The following RNF217 variants were observed in gnomAD, a reference collection of about 807,000 sequenced individuals.
RNF217 encodes the protein ring finger protein 217.
In RNF217, 31 loss-of-function variants were observed where a neutral mutation model predicts 57.8. The ratio of observed to expected loss-of-function variants is 0.54; its 90% CI spans 0.40 to 0.72. The LOEUF (loss-of-function observed/expected upper bound fraction) is 0.72, where lower values mean the gene tolerates loss of function less well. Ranked by LOEUF, RNF217 falls within the 30% of genes least tolerant of loss-of-function variation. The pLI, the probability that RNF217 is intolerant of heterozygous loss-of-function variation, is 0.00. For missense variants in RNF217, 696 were observed against 708.3 expected (o/e 0.98, Z 0.20); for synonymous variants, 313 against 294.0 (o/e 1.06, Z -0.66).
intron 1 of RNF217, among the ~76,000 whole-genome samples, chr6:124,985,696 A>G (rs1784343540): frequency 6.6e-6 from 1 of 152,178 alleles, no homozygotes; most frequent in African/African-American, 2.4e-5. Context: ...GTTCAGAGAA[A>G]TGTGTATAGT....
intron 3 of RNF217, among the ~76,000 whole-genome samples, chr6:125,060,405 G>T (rs1787685258): frequency 6.6e-6 from 1 of 151,522 alleles, no homozygotes; most frequent in African/African-American, 2.4e-5. Context: ...CCTACTATAG[G>T]TATATGTTTT....
chr6:125,062,032 T>C (rs138609048), intron 3 of RNF217, among the ~76,000 whole-genome samples: 3 of 152,086 alleles, frequency 2.0e-5, no homozygotes, highest in African/African-American at 4.8e-5. Context: ...AATTATATCT[T>C]AAATTACAAT....
rs574951671 is a variant in RNF217 at position 125,091,626 on chromosome 6, A to G, written c.*8689A>G. The G allele has an allele frequency of 1.6e-4, 24 of 151,134 alleles. No homozygotes were observed. The South Asian group carries it at 5.0e-3, about 32-fold the overall frequency. The allele number at this position is 151,134 out of a possible 1,614,324, so 9.4% of individuals were successfully genotyped here. On this transcript the variant is annotated 3_prime_UTR_variant, in exon 6 of 6. Coordinates refer to ENST00000521654, the MANE Select transcript of RNF217 (RefSeq NM_001286398.3). ...ATAAAAAATGCTAATTAAGTTTAGA[A>G]CAGGAGTTGAAATGACTCTCAGTTT...
At chr6:125,019,374 A>G (rs1202163635) in intron 1 of RNF217, among the ~76,000 whole-genome samples, 1 of 152,028 alleles carries the variant, frequency 6.6e-6, no homozygotes, top group African/African-American at 2.4e-5. Flanking sequence ...TTACCATTTT[A>G]CCCACCTCCA....
At position 125,067,911 on chromosome 6, in the gene RNF217, G is replaced by A. The variant is rs1562493865; in HGVS notation, c.1282-8746G>A. 2.6e-5 allele frequency among the ~76,000 whole-genome samples: 4 copies of A among 152,056 alleles called. No homozygotes were observed. The South Asian group carries it at 6.2e-4, about 24-fold the overall frequency. On this transcript the variant is annotated intron_variant, in intron 3 of 5. Coordinates refer to ENST00000521654, the MANE Select transcript of RNF217 (RefSeq NM_001286398.3). ...GGAACAGGAACCTCAGAGAGGAGAGGAGAAACTGGAAAAAAGATGTCACTG... is the reference window on the plus strand; with the variant it reads ...GGAACAGGAACCTCAGAGAGGAGAGAAGAAACTGGAAAAAAGATGTCACTG...
At position 125,058,109 on chromosome 6, in the gene RNF217, G is replaced by A. The variant is rs565083501; in HGVS notation, c.1281+3G>A. 1.2e-6 allele frequency: 2 copies of A among 1,605,810 alleles called. No homozygotes were observed. The highest frequency in any genetic ancestry group is 1.1e-5 in the South Asian group (1 of 89,172). On this transcript the variant is annotated splice_donor_region_variant and intron_variant, in intron 3 of 5. Coordinates refer to ENST00000521654, the MANE Select transcript of RNF217 (RefSeq NM_001286398.3). ...CCCAGAAGTGTCCAAAGTGCAAGGT[G>A]AGATAACTTTTAGGAGGAAAAGAAA...
chr6:124,990,435 C>A (rs1351229786), intron 1 of RNF217, among the ~76,000 whole-genome samples: 1 of 152,148 alleles, frequency 6.6e-6, no homozygotes, highest in Non-Finnish European at 1.5e-5. Context: ...TAAGAGATAT[C>A]TCAAATTTGA....
chr6:125,045,154 A>C (rs945290228), intron 1 of RNF217, 57 bp from the exon 2 acceptor site: 1 of 1,132,246 alleles, frequency 8.8e-7, no homozygotes, highest in African/African-American at 1.6e-5. Context: ...AAAAAAAAAA[A>C]TGAAAGAAAA....
chr6:125,017,257 AT>A (rs1245961486), intron 1 of RNF217, among the ~76,000 whole-genome samples: 1 of 152,094 alleles, frequency 6.6e-6, no homozygotes, highest in Non-Finnish European at 1.5e-5. Context: ...GAGTTACTAT[AT>A]TTTTCTTTAT....
chr6:125,026,940 T>C (rs768213053), intron 1 of RNF217, among the ~76,000 whole-genome samples: 25 of 152,246 alleles, frequency 1.6e-4, no homozygotes, highest in South Asian at 8.3e-4. Context: ...ATTAATATAT[T>C]AATGTTTATT....
At chr6:125,080,852 T>G (rs1197781259) in intron 4 of RNF217, among the ~76,000 whole-genome samples, 1 of 152,144 alleles carries the variant, frequency 6.6e-6, no homozygotes, top group Non-Finnish European at 1.5e-5. Flanking sequence ...CTTGAGTAAC[T>G]TTCAACGTAC....
chr6:124,967,923 T>G (rs1314861841), intron 1 of RNF217, among the ~76,000 whole-genome samples: 2 of 152,016 alleles, frequency 1.3e-5, no homozygotes, highest in Non-Finnish European at 2.9e-5. Context: ...GGATTACAGG[T>G]GCATGCCATC....
rs149771052 is a variant in RNF217 at position 125,063,741 on chromosome 6, G to A, written c.1281+5635G>A. On this transcript the variant is annotated intron_variant, in intron 3 of 5. Coordinates refer to ENST00000521654, the MANE Select transcript of RNF217 (RefSeq NM_001286398.3). Reference sequence around the variant, plus strand: ...TTGTCTCAATTCTCAAAAGAAAGTTGTAAACAAGAGGTAATTACCACCATT... The same window carrying A: ...TTGTCTCAATTCTCAAAAGAAAGTTATAAACAAGAGGTAATTACCACCATT... Among the ~76,000 whole-genome samples, 436 of 152,164 alleles carry A rather than the reference G, an allele frequency of 2.9e-3. 3 individuals are homozygous for A. The highest frequency in any genetic ancestry group is 0.01 in the African/African-American group (418 of 41,544).
At chr6:125,000,349 T>A (rs918316893) in intron 1 of RNF217, among the ~76,000 whole-genome samples, 1 of 152,048 alleles carries the variant, frequency 6.6e-6, no homozygotes, top group African/African-American at 2.4e-5. Flanking sequence ...ATAGTGATAG[T>A]TGCTGTATAT....
intron 1 of RNF217, among the ~76,000 whole-genome samples, chr6:124,965,651 A>C (rs1212907772): frequency 6.6e-6 from 1 of 152,100 alleles, no homozygotes; most frequent in African/African-American, 2.4e-5. Flanking sequence ...GCATGCTTTC[A>C]CCTCAGGGCT....
At chr6:125,032,981 A>C (rs1786424425) in intron 1 of RNF217, among the ~76,000 whole-genome samples, 1 of 152,088 alleles carries the variant, frequency 6.6e-6, no homozygotes, top group Non-Finnish European at 1.5e-5. Flanking sequence ...ATTACACGTG[A>C]GTGTGGTTTT....
chr6:124,999,481 T>C (rs1363270060), intron 1 of RNF217, among the ~76,000 whole-genome samples: 1 of 152,076 alleles, frequency 6.6e-6, no homozygotes, highest in African/African-American at 2.4e-5. Context: ...AGCTTTAAAA[T>C]TGTGGTTCAA....
At chr6:125,059,766 A>G (rs1358984611) in intron 3 of RNF217, among the ~76,000 whole-genome samples, 1 of 152,246 alleles carries the variant, frequency 6.6e-6, no homozygotes, top group Non-Finnish European at 1.5e-5. Flanking sequence ...CCACAGTTGT[A>G]ACAAATGTAG....
chr6:125,091,326 C>T lies in RNF217; in HGVS notation c.*8389C>T, dbSNP rs1378818287. On this transcript the variant is annotated 3_prime_UTR_variant, in exon 6 of 6. Transcript: ENST00000521654. Reference sequence around the variant, plus strand: ...ATAACATTCATATACGTTATTAGTGCCTTATTTTTTTCACTTGACTTTATT... The same window carrying T: ...ATAACATTCATATACGTTATTAGTGTCTTATTTTTTTCACTTGACTTTATT... 2.0e-5 allele frequency: 3 copies of T among 151,888 alleles called. No homozygotes were observed. The highest frequency in any genetic ancestry group is 4.4e-5 in the Non-Finnish European group (3 of 67,884). 9.4% of individuals were successfully genotyped at this position (151,888 alleles called of 1,614,324 possible).
Sources: allele counts gnomAD v4.1 joint callset (sites outside exome capture counted in the v4.1 genomes callset), GRCh38; gene constraint gnomAD v4.1.1; transcripts MANE v1.5; gene names NCBI Gene and HGNC (gene_info 2026-07-23, HGNC 2026-07-21).